PHGDH: variants seen among roughly 807,000 people sequenced by gnomAD.
PHGDH encodes phosphoglycerate dehydrogenase.
Under a neutral mutation model 52.6 loss-of-function variants are expected in PHGDH, and 50 were observed. The observed-to-expected ratio is 0.95, with a 90% confidence interval of 0.76 to 1.20. The LOEUF (loss-of-function observed/expected upper bound fraction) is 1.20, where lower values mean the gene tolerates loss of function less well. Among genes scored for constraint, PHGDH ranks in the 50% most tolerant of loss-of-function variants. The probability of loss-of-function intolerance (pLI) is 0.00; values close to 1 mark genes in which losing one functional copy is unlikely to be tolerated. For synonymous variants in PHGDH, 271 were observed against 280.5 expected (o/e 0.97, Z 0.34); for missense variants, 630 against 684.6 (o/e 0.92, Z 0.89).
Position 119,721,152 on chromosome 1 carries a change from A to G in PHGDH, c.139-18A>G, listed in dbSNP as rs1445913005. On this transcript the variant is annotated intron_variant, in intron 1 of 11. Coordinates refer to ENST00000641023, the MANE Select transcript of PHGDH (RefSeq NM_006623.4). ...TCACAGAATGACTTTCTGGACCCAA[A>G]TGTTTTTTCTGCTTCAGGACTGTGA... 1.9e-6 allele frequency: 3 copies of G among 1,613,708 alleles called. No homozygotes were observed. The highest frequency in any genetic ancestry group is 2.7e-5 in the African/African-American group (2 of 74,910).
At chr1:119,721,352 G>A (rs759303304) in intron 2 of PHGDH, 31 bp downstream of exon 2, 1 of 1,608,732 alleles carries the variant, frequency 6.2e-7, no homozygotes, top group Non-Finnish European at 8.5e-7. Flanking sequence ...GCGGTTTGGG[G>A]GTAGGGGGGT....
chr1:119,721,309 T>C lies in PHGDH; in HGVS notation c.278T>C (p.Ile93Thr). ...CTGGAGGCCGCAACAAGGAAGGGCATCTTGGTTATGAAGTAAGTCATGGAG... is the reference window on the plus strand; with the variant it reads ...CTGGAGGCCGCAACAAGGAAGGGCACCTTGGTTATGAAGTAAGTCATGGAG... ...VDLEAATRKG[I>T]LVMNTPNGNS... Residue 93 changes from isoleucine (I) to threonine (T), a missense_variant, in exon 2 of 12, where the codon ATC becomes ACC. Ile to Thr is a moderately conservative substitution (Grantham distance 89, BLOSUM62 -1). Transcript: ENST00000641023. 1 of 1,613,940 alleles carries C rather than the reference T, an allele frequency of 6.2e-7. No homozygotes were observed. Among genetic ancestry groups the C allele is most frequent in the Non-Finnish European group, 8.5e-7 (1 of 1,179,938 alleles).
intron 7 of PHGDH, 73 bp downstream of exon 7, chr1:119,735,516 C>CCT: frequency 1.4e-6 from 2 of 1,463,354 alleles, no homozygotes; most frequent in Non-Finnish European, 1.9e-6. Context: ...GCAGGGAAAG[C>CCT]CTGGCGTTTT....
chr1:119,719,315 A>G (rs1268136946), intron 1 of PHGDH, among the ~76,000 whole-genome samples: 1 of 152,228 alleles, frequency 6.6e-6, no homozygotes, highest in Non-Finnish European at 1.5e-5. Context: ...ATGAAGGAAG[A>G]AAAGTACAGG....
intron 2 of PHGDH, 55 bp from the exon 3 acceptor site, chr1:119,723,321 G>C (rs1651258930): frequency 7.5e-7 from 1 of 1,334,630 alleles, no homozygotes; most frequent in Admixed American, 1.7e-5. Context: ...CTTGGGGAAG[G>C]AGTGGGAATA....
Position 119,743,977 on chromosome 1 carries a change from C to T in PHGDH, c.1539C>T (p.Ser513=). The T allele has an allele frequency of 6.2e-7, 1 of 1,613,906 alleles. No homozygotes were observed. The highest frequency in any genetic ancestry group is 8.5e-7 in the Non-Finnish European group (1 of 1,179,754). ...CCTGGCACGTCATGGGCATCTCCTC[C>T]TTGCTGCCCAGCCTGGAAGCGTGGA... The part of the protein sequence containing the change: ...GETWHVMGIS[S]LLPSLEAWKQ... The change falls in exon 12 of 12, where the codon TCC becomes TCT. Residue 513 remains serine (S), a synonymous_variant. Coordinates refer to ENST00000641023, the MANE Select transcript of PHGDH (RefSeq NM_006623.4).
At chr1:119,735,163 G>A (rs1379805379) in intron 6 of PHGDH, 132 bp from the exon 7 acceptor site, 1 of 1,185,300 alleles carries the variant, frequency 8.4e-7, no homozygotes, top group African/African-American at 1.5e-5. Context: ...TGAGAGCAAA[G>A]AGGCTGCCGT....
At chr1:119,720,810 C>T (rs1651114034) in intron 1 of PHGDH, 3 of 360,204 alleles carry the variant, frequency 8.3e-6, no homozygotes, top group East Asian at 1.4e-4. Flanking sequence ...CAGGAGATGG[C>T]CCCTGACTTC....
chr1:119,723,044 C>G (rs1451422566), intron 2 of PHGDH, among the ~76,000 whole-genome samples: 1 of 152,092 alleles, frequency 6.6e-6, no homozygotes, highest in South Asian at 2.1e-4. Context: ...CAGGTAGATC[C>G]TGAAATAGGA....
intron 1 of PHGDH, chr1:119,712,419 G>C (rs1570981160): frequency 2.2e-6 from 1 of 462,320 alleles, no homozygotes; most frequent in East Asian, 4.4e-5. Context: ...ATTGCAAAGT[G>C]CGGGCTGCTC....
At chr1:119,731,447 G>A (rs900310285) in intron 5 of PHGDH, among the ~76,000 whole-genome samples, 2 of 152,166 alleles carry the variant, frequency 1.3e-5, no homozygotes. Context: ...TTTCCTTGAG[G>A]GAACAGACAA....
intron 1 of PHGDH, among the ~76,000 whole-genome samples, chr1:119,716,604 G>T (rs587734095): frequency 6.6e-6 from 1 of 152,224 alleles, no homozygotes; most frequent in South Asian, 2.1e-4. Context: ...GGCCTGAGAT[G>T]TGGGCTCTGG....
intron 5 of PHGDH, among the ~76,000 whole-genome samples, chr1:119,734,137 C>T (rs1651826946): frequency 6.6e-6 from 1 of 152,200 alleles, no homozygotes; most frequent in African/African-American, 2.4e-5. Flanking sequence ...CTGGACTGGA[C>T]CCTCCAGCTG....
chr1:119,743,917 G>C lies in PHGDH; in HGVS notation c.1479G>C (p.Leu493=). Residue 493 remains leucine (L), a synonymous_variant, in exon 12 of 12, where the codon CTG becomes CTC. Transcript: ENST00000641023. ...TGGCAGAGGCAGGCGTGCGGCTGCTGTCCTACCAGACTTCACTGGTGTCAG... is the reference window on the plus strand; with the variant it reads ...TGGCAGAGGCAGGCGTGCGGCTGCTCTCCTACCAGACTTCACTGGTGTCAG... ...GLLAEAGVRL[L]SYQTSLVSDG... The C allele has an allele frequency of 6.2e-7, 1 of 1,613,918 alleles. No individual in the cohort carries two copies. Among genetic ancestry groups the C allele is most frequent in the Non-Finnish European group, 8.5e-7 (1 of 1,179,808 alleles).
rs749449432 is a variant in PHGDH, at chr1:119,721,215, G to A, written c.184G>A (p.Asp62Asn). 1 of 1,614,214 alleles carries A rather than the reference G, an allele frequency of 6.2e-7. No homozygotes were observed. The highest frequency in any genetic ancestry group is 8.5e-7 in the Non-Finnish European group (1 of 1,180,032). Residue 62 changes from aspartate (D) to asparagine (N), a missense_variant, in exon 2 of 12, where the codon GAT (aspartate) becomes AAT (asparagine). By Grantham distance (23) the Asp-to-Asn change is conservative (BLOSUM62 1). Coordinates refer to ENST00000641023, the MANE Select transcript of PHGDH (RefSeq NM_006623.4). Reference protein sequence around the residue: ...IVRSATKVTADVINAAEKLQV... With the variant: ...IVRSATKVTANVINAAEKLQV... Reference sequence around the variant, plus strand: ...TCGCTCTGCCACCAAGGTGACCGCTGATGTCATCAACGCAGCTGAGAAACT... The same window carrying A: ...TCGCTCTGCCACCAAGGTGACCGCTAATGTCATCAACGCAGCTGAGAAACT...
chr1:119,728,448 A>G (rs587698355), intron 5 of PHGDH, among the ~76,000 whole-genome samples: 1 of 152,308 alleles, frequency 6.6e-6, no homozygotes, highest in African/African-American at 2.4e-5. Flanking sequence ...TATGTACACT[A>G]TGATATGATT....
intron 10 of PHGDH, 29 bp from the exon 11 acceptor site, chr1:119,742,778 G>T (rs755575407): frequency 2.8e-6 from 4 of 1,407,540 alleles, no homozygotes; most frequent in South Asian, 1.2e-5. Flanking sequence ...GCCAGGAGGT[G>T]TAACAGTCAC....
rs775568707 is a variant in PHGDH at position 119,726,910 on chromosome 1, G to A, written c.411+5G>A. 1 of 1,614,002 alleles carries A rather than the reference G, an allele frequency of 6.2e-7. No homozygotes were observed. Among genetic ancestry groups the A allele is most frequent in the East Asian group, 2.2e-5 (1 of 44,888 alleles). ...GGCAAATGGGAGCGGAAGAAGGTGA[G>A]CAGCGGCCTTGACTCGCCCCACCTG... On this transcript the variant is annotated splice_donor_5th_base_variant and intron_variant, in intron 4 of 11. Coordinates refer to ENST00000641023, the MANE Select transcript of PHGDH (RefSeq NM_006623.4).
In PHGDH at chr1:119,744,159, A is replaced by G. The variant is rs587632778; in HGVS notation, c.*119A>G. The G allele has an allele frequency of 7.5e-5, 66 of 882,210 alleles. No homozygotes were observed. The highest frequency in any genetic ancestry group is 1.1e-4 in the Non-Finnish European group (60 of 524,330). The allele number at this position is 882,210 out of a possible 1,614,324, so 54.6% of individuals were successfully genotyped here. A position where few individuals can be genotyped will look rare whatever the true frequency, so the allele number is the denominator to read the frequency against. On this transcript the variant is annotated 3_prime_UTR_variant, in exon 12 of 12. Transcript: ENST00000641023. ...AACGCGGGCCTCTGACACTGCTTAC[A>G]CTGCACTCTGACCCTGTAGTACAGC...
Sources: gnomAD v4.1 joint callset for allele counts (sites outside exome capture counted in the v4.1 genomes callset) on GRCh38, gnomAD v4.1.1 for gene constraint, MANE v1.5 for transcripts, NCBI Gene and HGNC (gene_info 2026-07-23, HGNC 2026-07-21) for gene names.